The following WDR70 variants were observed in gnomAD, a reference collection of about 807,000 sequenced individuals.
WDR70 encodes WD repeat-containing protein 70.
Under a neutral mutation model 88.6 loss-of-function variants are expected in WDR70, and 53 were observed. That is an observed-to-expected ratio of 0.60 (90% confidence interval 0.48 to 0.75). The LOEUF is 0.75. Ranked by LOEUF, WDR70 falls within the 30% of genes least tolerant of loss-of-function variation. The probability of loss-of-function intolerance (pLI) is 0.00; values close to 1 mark genes in which losing one functional copy is unlikely to be tolerated. For missense variants in WDR70, 610 were observed against 823.2 expected (o/e 0.74, Z 3.17); for synonymous variants, 280 against 270.0 (o/e 1.04, Z -0.36).
chr5:37,455,542 C>T (rs1214660805), intron 7 of WDR70, among the ~76,000 whole-genome samples: 2 of 151,202 alleles, frequency 1.3e-5, no homozygotes, highest in East Asian at 3.9e-4. Context: ...GCGCCTTATC[C>T]TGATTTGTTT....
chr5:37,617,402 G>A (rs1429969964), intron 10 of WDR70, among the ~76,000 whole-genome samples: 1 of 152,186 alleles, frequency 6.6e-6, no homozygotes, highest in Admixed American at 6.5e-5. Flanking sequence ...TAAAATGGGT[G>A]AATTTTATGG....
chr5:37,490,516 G>A (rs533294183), intron 8 of WDR70, among the ~76,000 whole-genome samples: 95 of 152,292 alleles, frequency 6.2e-4, no homozygotes, highest in African/African-American at 2.2e-3. Flanking sequence ...TGGCTAGGGT[G>A]AGCCTGTCCT....
At chr5:37,625,478 G>A (rs185246475) in intron 10 of WDR70, among the ~76,000 whole-genome samples, 6 of 151,892 alleles carry the variant, frequency 4.0e-5, no homozygotes, top group African/African-American at 2.4e-5. Context: ...TATGTATGTC[G>A]TCTTCTATCT....
intron 9 of WDR70, among the ~76,000 whole-genome samples, chr5:37,519,868 G>A (rs1331509303): frequency 6.6e-6 from 1 of 152,178 alleles, no homozygotes; most frequent in Non-Finnish European, 1.5e-5. Context: ...CTTCATAATG[G>A]TTTTACTAAT....
intron 17 of WDR70, among the ~76,000 whole-genome samples, chr5:37,749,837 A>AAAC (rs1017727498): frequency 1.5e-4 from 22 of 148,246 alleles, no homozygotes; most frequent in Non-Finnish European, 2.5e-4. Flanking sequence ...GGTGAAAAAA[A>AAAC]AAACCAAAAA....
intron 10 of WDR70, among the ~76,000 whole-genome samples, chr5:37,639,793 A>G (rs1386280942): frequency 6.6e-6 from 1 of 152,194 alleles, no homozygotes; most frequent in Non-Finnish European, 1.5e-5. Flanking sequence ...TAATATGGCA[A>G]CTGTTTCTCA....
At chr5:37,412,450 A>T (rs540570883) in intron 5 of WDR70, among the ~76,000 whole-genome samples, 3 of 147,244 alleles carry the variant, frequency 2.0e-5, no homozygotes, top group South Asian at 2.2e-4. Context: ...CATGATTCTA[A>T]TTTTTTTTTT....
At chr5:37,506,810 C>T (rs1345482312) in intron 8 of WDR70, 3 of 1,350,172 alleles carry the variant, frequency 2.2e-6, no homozygotes, top group Non-Finnish European at 2.1e-6. Flanking sequence ...CAGCAACCAC[C>T]TTTCCGTTCT....
intron 9 of WDR70, among the ~76,000 whole-genome samples, chr5:37,561,182 G>A (rs1339197251): frequency 2.6e-5 from 4 of 152,006 alleles, no homozygotes; most frequent in Non-Finnish European, 5.9e-5. Flanking sequence ...GCCATGTCTC[G>A]TTTCACTGGT....
At chr5:37,666,991 A>G (rs1745859911) in intron 10 of WDR70, among the ~76,000 whole-genome samples, 1 of 152,094 alleles carries the variant, frequency 6.6e-6, no homozygotes, top group African/African-American at 2.4e-5. Context: ...TGTCCAATAC[A>G]TGTTTTTGCT....
intron 10 of WDR70, among the ~76,000 whole-genome samples, chr5:37,683,293 G>C (rs1360740668): frequency 6.6e-6 from 1 of 152,126 alleles, no homozygotes; most frequent in Non-Finnish European, 1.5e-5. Flanking sequence ...GCCACTCTGT[G>C]CCTTTTAATT....
At chr5:37,401,235 C>G (rs912683759) in intron 5 of WDR70, among the ~76,000 whole-genome samples, 2 of 143,364 alleles carry the variant, frequency 1.4e-5, no homozygotes, top group Admixed American at 7.2e-5. Context: ...GTCTCAAACT[C>G]CTGGGCTCAA....
intron 9 of WDR70, among the ~76,000 whole-genome samples, chr5:37,543,505 A>ATG (rs1554148603): frequency 6.6e-6 from 1 of 151,950 alleles, no homozygotes; most frequent in Non-Finnish European, 1.5e-5. Context: ...GTATATATAT[A>ATG]TGGAGAGAAA....
At chr5:37,528,110 C>T (rs1581368320) in intron 9 of WDR70, among the ~76,000 whole-genome samples, 1 of 152,138 alleles carries the variant, frequency 6.6e-6, no homozygotes, top group South Asian at 2.1e-4. Flanking sequence ...AGCATTTGAC[C>T]CAGCCATCCC....
intron 9 of WDR70, among the ~76,000 whole-genome samples, chr5:37,592,862 T>C (rs1743576306): frequency 6.6e-6 from 1 of 152,210 alleles, no homozygotes; most frequent in African/African-American, 2.4e-5. Context: ...ATCGTCTATA[T>C]AGAAAATTTC....
intron 9 of WDR70, among the ~76,000 whole-genome samples, chr5:37,591,776 T>G (rs779083299): frequency 6.6e-6 from 1 of 152,148 alleles, no homozygotes; most frequent in Non-Finnish European, 1.5e-5. Context: ...ACAAAAATCC[T>G]TAACGAAACA....
chr5:37,746,862 C>T (rs969244399), intron 17 of WDR70, among the ~76,000 whole-genome samples: 7 of 152,156 alleles, frequency 4.6e-5, no homozygotes, highest in Admixed American at 1.3e-4. Context: ...GGTACCATTC[C>T]TTCTGAAACT....
intron 5 of WDR70, among the ~76,000 whole-genome samples, chr5:37,409,360 C>T (rs1464040176): frequency 6.6e-6 from 1 of 152,094 alleles, no homozygotes; most frequent in Non-Finnish European, 1.5e-5. Flanking sequence ...AAAAACTAGC[C>T]TCAGCCGAGA....
At chr5:37,550,703 C>G (rs1165870567) in intron 9 of WDR70, among the ~76,000 whole-genome samples, 1 of 152,114 alleles carries the variant, frequency 6.6e-6, no homozygotes, top group African/African-American at 2.4e-5. Flanking sequence ...CACTCCATGT[C>G]TTTTGATTGG....
Sources: allele counts gnomAD v4.1 joint callset (sites outside exome capture counted in the v4.1 genomes callset), GRCh38; gene constraint gnomAD v4.1.1; transcripts MANE v1.5; gene names NCBI Gene and HGNC (gene_info 2026-07-23, HGNC 2026-07-21).